RERE: variants seen among roughly 807,000 people sequenced by gnomAD.
RERE encodes the protein arginine-glutamic acid dipeptide repeats protein.
A neutral mutation model predicts 146.1 loss-of-function variants in RERE; 40 were observed. The observed-to-expected ratio is 0.27, with a 90% CI of 0.21 to 0.36. The LOEUF is 0.36. Ranked by LOEUF, RERE falls within the 10% of genes least tolerant of loss-of-function variation. RERE has a pLI of 1.00. For missense variants in RERE, 1,933 were observed against 2,138.7 expected (o/e 0.90, Z 1.90); for synonymous variants, 1,003 against 866.0 (o/e 1.16, Z -2.78).
At chr1:8,685,461 C>T (rs1374401324) in intron 1 of RERE, among the ~76,000 whole-genome samples, 1 of 152,116 alleles carries the variant, frequency 6.6e-6, no homozygotes, top group Non-Finnish European at 1.5e-5. Flanking sequence ...GTGGCTCACG[C>T]CTGTAATCCC....
At chr1:8,811,426 A>G (rs7555126) in intron 1 of RERE, among the ~76,000 whole-genome samples, 121,865 of 152,042 alleles carry the variant, frequency 0.8, 49,077 homozygotes, top group East Asian at 0.95. Flanking sequence ...GGGCAACATG[A>G]CAAGACTTGA....
chr1:8,555,656 G>A (rs1645998726), intron 6 of RERE, among the ~76,000 whole-genome samples: 1 of 152,076 alleles, frequency 6.6e-6, no homozygotes, highest in Non-Finnish European at 1.5e-5. Context: ...GTGAGGAAAG[G>A]GTTTTAAGAA....
At chr1:8,739,645 G>A (rs1403204836) in intron 1 of RERE, among the ~76,000 whole-genome samples, 1 of 152,004 alleles carries the variant, frequency 6.6e-6, no homozygotes, top group Non-Finnish European at 1.5e-5. Context: ...GACATACTTC[G>A]AGGTGAGAAG....
At chr1:8,533,007 C>T (rs1645677545) in intron 7 of RERE, among the ~76,000 whole-genome samples, 2 of 152,206 alleles carry the variant, frequency 1.3e-5, no homozygotes, top group African/African-American at 4.8e-5. Context: ...GCTGGGATTA[C>T]AGGCATGAAC....
At chr1:8,371,577 G>A (rs997768863) in intron 12 of RERE, among the ~76,000 whole-genome samples, 1 of 152,212 alleles carries the variant, frequency 6.6e-6, no homozygotes, top group African/African-American at 2.4e-5. Flanking sequence ...AGCCGCTCCT[G>A]CCATCCAGGG....
In RERE at chr1:8,668,618, T is replaced by C. The variant is rs933808324; in HGVS notation, c.-144-12177A>G. On this transcript the variant is annotated intron_variant, in intron 1 of 22. Coordinates refer to ENST00000400908, the MANE Select transcript of RERE (RefSeq NM_001042681.2). ...TGTAGTATACATACACACAATAAAA[T>C]ATCCAGCAATAAGAAATGAGGTACA... Among the ~76,000 whole-genome samples the C allele has an allele frequency of 6.6e-4, 101 of 152,214 alleles. 1 individual carries two copies. Among genetic ancestry groups the C allele is most frequent in the Non-Finnish European group, 5.9e-5 (4 of 68,004 alleles).
chr1:8,474,068 A>T (rs1191388225), intron 10 of RERE, among the ~76,000 whole-genome samples: 1 of 152,156 alleles, frequency 6.6e-6, no homozygotes, highest in East Asian at 1.9e-4. Flanking sequence ...TGCTACTCTC[A>T]CTCTGCCTGA....
chr1:8,429,651 G>A (rs1644066669), intron 11 of RERE, among the ~76,000 whole-genome samples: 1 of 152,190 alleles, frequency 6.6e-6, no homozygotes, highest in South Asian at 2.1e-4. Context: ...TTTAACTAGT[G>A]TATCACAGTC....
Position 8,362,816 on chromosome 1 carries a change from T to C in RERE, c.1769A>G (p.Lys590Arg), listed in dbSNP as rs145423684. The part of the protein sequence containing the change: ...SMSTLRSGRK[K>R]QPASPDGRTS... ...GCGACCATCAGGGCTGGCTGGCTGC[T>C]TCTTCCGACCACTGCGTAGTGTCGA... The change falls in exon 16 of 23, where the codon AAG (lysine) becomes AGG (arginine). Residue 590 changes from lysine to arginine, a missense_variant. Lys to Arg is a conservative substitution (Grantham distance 26). Coordinates refer to ENST00000400908, the MANE Select transcript of RERE (RefSeq NM_001042681.2). 6.2e-7 allele frequency: 1 copy of C among 1,613,986 alleles called. No individual in the cohort carries two copies. The highest frequency in any genetic ancestry group is 1.3e-5 in the African/African-American group (1 of 75,042).
intron 1 of RERE, among the ~76,000 whole-genome samples, chr1:8,657,843 TAAAGA>T (rs1306678418): frequency 6.6e-6 from 1 of 152,174 alleles, no homozygotes; most frequent in African/African-American, 2.4e-5. Flanking sequence ...TCCATCTCAA[TAAAGA>T]AAAGAAAATG....
chr1:8,470,474 G>A (rs960084178), intron 10 of RERE, among the ~76,000 whole-genome samples: 1 of 152,056 alleles, frequency 6.6e-6, no homozygotes, highest in African/African-American at 2.4e-5. Context: ...AGTTGGCCAG[G>A]CTGGTCTTGA....
intron 11 of RERE, among the ~76,000 whole-genome samples, chr1:8,453,179 A>G (rs956498400): frequency 7.2e-5 from 11 of 152,236 alleles, no homozygotes; most frequent in Admixed American, 2.6e-4. Context: ...ATAAACTTGG[A>G]AAGTGACTAT....
chr1:8,713,591 G>A (rs1314115368), intron 1 of RERE, among the ~76,000 whole-genome samples: 4 of 151,930 alleles, frequency 2.6e-5, no homozygotes, highest in African/African-American at 4.8e-5. Flanking sequence ...AAAATTAGCT[G>A]GGCGTGATGG....
At chr1:8,722,477 T>C (rs974577431) in intron 1 of RERE, among the ~76,000 whole-genome samples, 4 of 152,204 alleles carry the variant, frequency 2.6e-5, no homozygotes, top group Non-Finnish European at 4.4e-5. Flanking sequence ...TCCTCTTTTA[T>C]AAGTGAGCAA....
chr1:8,667,619 G>A (rs1638607068), intron 1 of RERE, among the ~76,000 whole-genome samples: 1 of 152,218 alleles, frequency 6.6e-6, no homozygotes, highest in Non-Finnish European at 1.5e-5. Context: ...AGAGGTTGCA[G>A]TGAGCCAAGA....
At chr1:8,507,735 A>ATTTTTTTTT (rs1404147445) in intron 8 of RERE, among the ~76,000 whole-genome samples, 1 of 41,414 alleles carries the variant, frequency 2.4e-5, no homozygotes, top group African/African-American at 1.4e-4. Flanking sequence ...AACATCTTTT[A>ATTTTTTTTT]TCTTTTTTTT....
At chr1:8,427,637 TAAAAAAAAA>T (rs33996085) in intron 11 of RERE, among the ~76,000 whole-genome samples, 1 of 116,352 alleles carries the variant, frequency 8.6e-6, no homozygotes, top group Non-Finnish European at 1.7e-5. Flanking sequence ...GGCCCCACTT[TAAAAAAAAA>T]AAAAAAAAAA....
At chr1:8,721,410 C>T (rs901705530) in intron 1 of RERE, among the ~76,000 whole-genome samples, 3 of 152,152 alleles carry the variant, frequency 2.0e-5, no homozygotes, top group Middle Eastern at 3.2e-3. Flanking sequence ...CTCCTAGGTT[C>T]AAGCAGTTCT....
At chr1:8,585,172 CG>C (rs1020171484) in intron 4 of RERE, among the ~76,000 whole-genome samples, 1 of 148,246 alleles carries the variant, frequency 6.7e-6, no homozygotes, top group Non-Finnish European at 1.5e-5. Flanking sequence ...GAAGTAATTA[CG>C]GGATAGTCTA....
Sources: allele counts gnomAD v4.1 joint callset (sites outside exome capture counted in the v4.1 genomes callset), GRCh38; gene constraint gnomAD v4.1.1; transcripts MANE v1.5; gene names NCBI Gene and HGNC (gene_info 2026-07-23, HGNC 2026-07-21).